HUNK: variants seen among roughly 807,000 people sequenced by gnomAD.
HUNK encodes hormonally up-regulated Neu-associated kinase.
Under a neutral mutation model 61.0 loss-of-function variants are expected in HUNK, and 21 were observed. The ratio of observed to expected loss-of-function variants is 0.34; its 90% CI spans 0.24 to 0.50. The LOEUF is 0.50. HUNK is among the 20% of genes least tolerant of loss of function. HUNK has a pLI of 0.98. For missense variants in HUNK, 772 were observed against 945.7 expected, an observed-to-expected ratio of 0.82 and a Z score of 2.41; for synonymous variants, 371 against 386.1, an observed-to-expected ratio of 0.96 and a Z score of 0.46.
intron 1 of HUNK, among the ~76,000 whole-genome samples, chr21:31,906,907 G>C (rs902949581): frequency 2.0e-5 from 3 of 151,700 alleles, no homozygotes; most frequent in African/African-American, 7.3e-5. Flanking sequence ...CGGTGTGGTG[G>C]CTCACACCTG....
chr21:31,987,683 C>T (rs866753069), intron 8 of HUNK, among the ~76,000 whole-genome samples: 3 of 152,190 alleles, frequency 2.0e-5, no homozygotes, highest in South Asian at 2.1e-4. Context: ...CCATTTGTTT[C>T]CTCTAAACTG....
At position 31,873,638 on chromosome 21, in the gene HUNK, G is replaced by C; in HGVS notation, c.-37G>C. 1.0e-6 allele frequency: 1 copy of C among 971,942 alleles called. No individual in the cohort carries two copies. Among genetic ancestry groups the C allele is most frequent in the Non-Finnish European group, 1.2e-6 (1 of 827,600 alleles). 60.2% of individuals were successfully genotyped at this position (971,942 alleles called of 1,614,324 possible). A position where few individuals can be genotyped will look rare whatever the true frequency, so the allele number is the denominator to read the frequency against. ...TGGGGAGGAGGAGCTGCGAGCGCGG[G>C]AGACGAGCAGGAGCCGCGCGGGCCG... On this transcript the variant is annotated 5_prime_UTR_variant, in exon 1 of 11. Coordinates refer to ENST00000270112, the MANE Select transcript of HUNK (RefSeq NM_014586.2). This position sits in a 1 kb window ranked among gnomAD's most constrained non-coding sequence, Gnocchi z 6.1.
rs1271281713 is a variant in HUNK at position 31,924,690 on chromosome 21, G to A, written c.484G>A (p.Glu162Lys). 3.7e-6 allele frequency: 6 copies of A among 1,613,880 alleles called. No individual in the cohort carries two copies. Among genetic ancestry groups the A allele is most frequent in the Non-Finnish European group, 2.5e-6 (3 of 1,180,008 alleles). ...TGAGAAGAAGCGGCTGGAGGAGTCC[G>A]AAGCCCGCAGATACATCCGACAGCT... ...IYEKKRLEES[E>K]ARRYIRQLIS... is the part of the protein sequence containing the mutation. Residue 162 changes from glutamate (E) to lysine (K), a missense_variant, in exon 2 of 11, where the codon GAA becomes AAA. Physicochemically the swap from Glu to Lys is moderately conservative, Grantham distance 56. Coordinates refer to ENST00000270112, the MANE Select transcript of HUNK (RefSeq NM_014586.2). The surrounding 1 kb of genome is among the most constrained non-coding windows in gnomAD (Gnocchi z 5.1).
At chr21:31,877,225 T>TGG (rs1022636028) in intron 1 of HUNK, among the ~76,000 whole-genome samples, 39 of 152,110 alleles carry the variant, frequency 2.6e-4, no homozygotes, top group South Asian at 4.1e-4. Context: ...GCATTTGGTA[T>TGG]GGGGGTGTGT....
At chr21:31,970,368 T>C (rs1806542966) in intron 6 of HUNK, among the ~76,000 whole-genome samples, 2 of 152,168 alleles carry the variant, frequency 1.3e-5, no homozygotes, top group South Asian at 4.1e-4. Flanking sequence ...AGCATTTGGC[T>C]CATGGGAGGT....
At chr21:31,992,861 T>C (rs576622018) in intron 9 of HUNK, among the ~76,000 whole-genome samples, 1 of 152,368 alleles carries the variant, frequency 6.6e-6, no homozygotes, top group Non-Finnish European at 1.5e-5. Flanking sequence ...ATAAACATGC[T>C]TTCTCTGGGC....
chr21:31,994,915 A>G (rs1309573172), intron 9 of HUNK, among the ~76,000 whole-genome samples: 2 of 152,218 alleles, frequency 1.3e-5, no homozygotes, highest in Non-Finnish European at 2.9e-5. Flanking sequence ...GCATTTTGGG[A>G]AGCAGAGACA....
intron 1 of HUNK, among the ~76,000 whole-genome samples, chr21:31,911,510 C>T (rs1222805656): frequency 2.6e-5 from 4 of 152,156 alleles, no homozygotes; most frequent in Admixed American, 6.5e-5. Flanking sequence ...CCGAGGGAGC[C>T]GTGGGCTGCC....
At chr21:31,887,052 T>G (rs538660015) in intron 1 of HUNK, among the ~76,000 whole-genome samples, 1 of 152,346 alleles carries the variant, frequency 6.6e-6, no homozygotes, top group South Asian at 2.1e-4. Context: ...GCTGTATGTT[T>G]CTCTCATTCC....
intron 1 of HUNK, among the ~76,000 whole-genome samples, chr21:31,874,154 G>A (rs1417748435): frequency 6.6e-6 from 1 of 152,042 alleles, no homozygotes; most frequent in African/African-American, 2.4e-5. Flanking sequence ...GGGGGCTTGG[G>A]AGGGGACGGC....
intron 1 of HUNK, among the ~76,000 whole-genome samples, chr21:31,899,183 G>A (rs762831817): frequency 1.1e-4 from 17 of 152,226 alleles, no homozygotes; most frequent in Middle Eastern, 3.4e-3. Context: ...TTCTCTATTA[G>A]TTTCCTGGGC....
intron 6 of HUNK, among the ~76,000 whole-genome samples, chr21:31,973,904 C>T (rs771603194): frequency 5.4e-4 from 83 of 152,302 alleles, no homozygotes; most frequent in Middle Eastern, 3.4e-3. Context: ...AGGAGTTTAT[C>T]TTCACAGTCC....
rs2053229695 is a variant in HUNK, at chr21:31,999,263, C to G, written c.*79C>G. ...CCACACATCTGTCAGGGTGTGAGCA[C>G]TCCAAGGCCTCGCGTGGAGCATCCT... On this transcript the variant is annotated 3_prime_UTR_variant, in exon 11 of 11. Transcript: ENST00000270112. 2.4e-5 allele frequency: 31 copies of G among 1,314,582 alleles called. No individual in the cohort carries two copies. Among genetic ancestry groups the G allele is most frequent in the Non-Finnish European group, 3.2e-5 (30 of 948,788 alleles). The allele number at this position is 1,314,582 out of a possible 1,614,324, so 81.4% of individuals were successfully genotyped here. A position where few individuals can be genotyped will look rare whatever the true frequency, so the allele number is the denominator to read the frequency against.
Position 31,983,591 on chromosome 21 carries a change from C to A in HUNK, c.1239C>A (p.Ala413=). The part of the protein sequence containing the change: ...TRLYQIEKYR[A]PKESYEASLD... ...TCTACCAGATAGAAAAGTACAGGGC[C>A]CCCAAGGAGTCCTATGAGGTGAGTG... The change falls in exon 8 of 11, where the codon GCC becomes GCA. Residue 413 remains alanine, a synonymous_variant. Coordinates refer to ENST00000270112, the MANE Select transcript of HUNK (RefSeq NM_014586.2). 1 of 1,613,326 alleles carries A rather than the reference C, an allele frequency of 6.2e-7. No individual in the cohort carries two copies. The highest frequency in any genetic ancestry group is 8.5e-7 in the Non-Finnish European group (1 of 1,179,624).
At position 31,873,946 on chromosome 21, in the gene HUNK, C is replaced by A; in HGVS notation, c.261+11C>A. 1 of 1,496,056 alleles carries A rather than the reference C, an allele frequency of 6.7e-7. No homozygotes were observed. Among genetic ancestry groups the A allele is most frequent in the East Asian group, 2.7e-5 (1 of 36,960 alleles). 92.7% of individuals were successfully genotyped at this position (1,496,056 alleles called of 1,614,324 possible). A position where few individuals can be genotyped will look rare whatever the true frequency, so the allele number is the denominator to read the frequency against. On this transcript the variant is annotated intron_variant, in intron 1 of 10. Coordinates refer to ENST00000270112, the MANE Select transcript of HUNK (RefSeq NM_014586.2). The surrounding 1 kb of genome is among the most constrained non-coding windows in gnomAD (Gnocchi z 6.1). Reference sequence around the variant, plus strand: ...CTGACCGGGGAGAAGGTGAGTCTCCCGGGCGCCGTGGGGCTGGGGCACAGG... The same window carrying A: ...CTGACCGGGGAGAAGGTGAGTCTCCAGGGCGCCGTGGGGCTGGGGCACAGG...
chr21:31,970,570 G>C (rs935816038), intron 6 of HUNK, among the ~76,000 whole-genome samples: 1 of 152,120 alleles, frequency 6.6e-6, no homozygotes, highest in Non-Finnish European at 1.5e-5. Flanking sequence ...CAGCACGCAG[G>C]TATGCTTTCT....
chr21:31,968,488 C>T (rs377223972), intron 6 of HUNK, 103 bp downstream of exon 6: 38 of 1,379,770 alleles, frequency 2.8e-5, no homozygotes, highest in East Asian at 1.2e-4. Flanking sequence ...AAGGAAAAGC[C>T]GCGCTCTCTC....
At chr21:31,953,855 A>T in intron 4 of HUNK, among the ~76,000 whole-genome samples, 1 of 152,138 alleles carries the variant, frequency 6.6e-6, no homozygotes, top group East Asian at 1.9e-4. Flanking sequence ...ATCAGTTTGT[A>T]AAGTCATCAA....
chr21:31,909,614 C>G (rs776111909), intron 1 of HUNK, among the ~76,000 whole-genome samples: 6 of 152,142 alleles, frequency 3.9e-5, no homozygotes, highest in Non-Finnish European at 8.8e-5. Flanking sequence ...AGTGGGGAGC[C>G]AGGGGTCAGA....
Sources: allele counts gnomAD v4.1 joint callset (sites outside exome capture counted in the v4.1 genomes callset), GRCh38; gene constraint gnomAD v4.1.1; non-coding constraint Gnocchi (gnomAD v3.1); transcripts MANE v1.5; gene names NCBI Gene and HGNC (gene_info 2026-07-23, HGNC 2026-07-21).